VAV3: variants seen among roughly 807,000 people sequenced by gnomAD.
VAV3 encodes guanine nucleotide exchange factor VAV3.
VAV3 carries 94 observed loss-of-function variants against 131.2 expected under a neutral mutation model. The observed-to-expected ratio is 0.72, with a 90% CI of 0.61 to 0.85. The LOEUF (loss-of-function observed/expected upper bound fraction) is 0.85, where lower values mean the gene tolerates loss of function less well. VAV3 is among the 40% of genes least tolerant of loss of function. The pLI is 0.00. For missense variants in VAV3, 939 were observed against 1,002.7 expected, an observed-to-expected ratio of 0.94 and a Z score of 0.86; for synonymous variants, 349 against 342.0, an observed-to-expected ratio of 1.02 and a Z score of -0.22.
intron 17 of VAV3, among the ~76,000 whole-genome samples, chr1:107,693,754 G>A (rs1659582079): frequency 6.6e-6 from 1 of 152,142 alleles, no homozygotes. Context: ...GTACTAAGGG[G>A]TGGACACAAA....
chr1:107,659,019 T>C (rs976449838), intron 19 of VAV3, among the ~76,000 whole-genome samples: 1 of 152,310 alleles, frequency 6.6e-6, no homozygotes, highest in Non-Finnish European at 1.5e-5. Context: ...CATGAAGTCC[T>C]TGCCCATGCC....
At chr1:107,917,874 T>C (rs1278065800) in intron 1 of VAV3, among the ~76,000 whole-genome samples, 1 of 152,164 alleles carries the variant, frequency 6.6e-6, no homozygotes, top group African/African-American at 2.4e-5. Context: ...CACATATTGG[T>C]ACTCAAGAAG....
intron 2 of VAV3, among the ~76,000 whole-genome samples, chr1:107,804,448 T>C (rs1408120021): frequency 6.6e-6 from 1 of 152,182 alleles, no homozygotes; most frequent in African/African-American, 2.4e-5. Flanking sequence ...TACAAAAAAA[T>C]CTTGTAGACA....
chr1:107,641,642 A>C (rs1655347040), intron 20 of VAV3, among the ~76,000 whole-genome samples: 1 of 152,170 alleles, frequency 6.6e-6, no homozygotes, highest in Admixed American at 6.6e-5. Flanking sequence ...GATTTTATGA[A>C]TAATGCCCAG....
chr1:107,803,909 G>C (rs1185165219), intron 2 of VAV3, among the ~76,000 whole-genome samples: 1 of 151,798 alleles, frequency 6.6e-6, no homozygotes, highest in Non-Finnish European at 1.5e-5. Flanking sequence ...TACTAATGTT[G>C]CTTTTGTGTG....
chr1:107,730,849 TG>T (rs1662195523), intron 15 of VAV3, among the ~76,000 whole-genome samples: 1 of 152,154 alleles, frequency 6.6e-6, no homozygotes, highest in African/African-American at 2.4e-5. Context: ...CAACAGTAGG[TG>T]TTCTTGCTAC....
intron 19 of VAV3, among the ~76,000 whole-genome samples, chr1:107,670,960 C>A (rs1269061293): frequency 6.6e-6 from 1 of 152,138 alleles, no homozygotes; most frequent in Non-Finnish European, 1.5e-5. Flanking sequence ...TTCTTGGATA[C>A]TGCTTGAATT....
chr1:107,791,802 T>C (rs962659381), intron 2 of VAV3, among the ~76,000 whole-genome samples: 6 of 152,172 alleles, frequency 3.9e-5, no homozygotes, highest in African/African-American at 1.4e-4. Flanking sequence ...AATTATTGAG[T>C]GCTTATGATT....
chr1:107,842,770 A>AG (rs1361605174), intron 2 of VAV3, among the ~76,000 whole-genome samples: 1 of 151,848 alleles, frequency 6.6e-6, no homozygotes, highest in East Asian at 1.9e-4. Flanking sequence ...ATATTTTGGG[A>AG]GGGGGCACAG....
At chr1:107,946,904 G>A (rs535650232) in intron 1 of VAV3, among the ~76,000 whole-genome samples, 1 of 152,290 alleles carries the variant, frequency 6.6e-6, no homozygotes, top group African/African-American at 2.4e-5. Context: ...TTTATTAAGA[G>A]TTTACAACAT....
At chr1:107,617,161 A>C (rs1653219441) in intron 21 of VAV3, among the ~76,000 whole-genome samples, 1 of 152,218 alleles carries the variant, frequency 6.6e-6, no homozygotes, top group South Asian at 2.1e-4. Context: ...AAATTTGTGG[A>C]CTTTTCATTT....
Position 107,603,281 on chromosome 1 carries a change from T to A in VAV3, c.2016-118A>T. The A allele has an allele frequency of 4.2e-6, 3 of 712,806 alleles. No homozygotes were observed. In the South Asian group the frequency reaches 5.7e-5, roughly 14 times the overall value. 44.2% of individuals were successfully genotyped at this position (712,806 alleles called of 1,614,324 possible). A position where few individuals can be genotyped will look rare whatever the true frequency, so the allele number is the denominator to read the frequency against. On this transcript the variant is annotated intron_variant, in intron 22 of 26. Transcript: ENST00000370056. Reference sequence around the variant, plus strand: ...CAGATCTGAGCTGTTGGTAATTCTATACTAATTACATTGTTTAAGAAAAAT... The same window carrying A: ...CAGATCTGAGCTGTTGGTAATTCTAAACTAATTACATTGTTTAAGAAAAAT...
At position 107,710,364 on chromosome 1, in the gene VAV3, T is replaced by C. The variant is rs150474715; in HGVS notation, c.1503-5303A>G. The stretch of plus-strand genomic sequence containing the variant: ...GAGAGCTGGAAGCAAATGTCAGTGC[T>C]TCAAAAACACCTGTCTGAATGCAAC... On this transcript the variant is annotated intron_variant, in intron 15 of 26. Coordinates refer to ENST00000370056, the MANE Select transcript of VAV3 (RefSeq NM_006113.5). Among the ~76,000 whole-genome samples the C allele has an allele frequency of 3.9e-5, 6 of 152,324 alleles. No individual in the cohort carries two copies. The East Asian group carries it at 1.2e-3, about 29-fold the overall frequency.
chr1:107,768,309 A>G, intron 7 of VAV3, 132 bp downstream of exon 7: 1 of 657,204 alleles, frequency 1.5e-6, no homozygotes, highest in Admixed American at 3.7e-5. Context: ...CTGGAAAAGC[A>G]AAAAATAAAT....
intron 10 of VAV3, among the ~76,000 whole-genome samples, chr1:107,759,521 A>G (rs751054785): frequency 2.6e-5 from 4 of 152,176 alleles, no homozygotes; most frequent in Non-Finnish European, 5.9e-5. Flanking sequence ...TCTAGACAAC[A>G]AATAAATTTT....
chr1:107,769,813 T>TC, intron 6 of VAV3, among the ~76,000 whole-genome samples: 1 of 152,332 alleles, frequency 6.6e-6, no homozygotes, highest in African/African-American at 2.4e-5. Flanking sequence ...TCTCTTTTTT[T>TC]CACATCCTTT....
intron 2 of VAV3, among the ~76,000 whole-genome samples, chr1:107,833,740 G>A (rs1668360107): frequency 6.6e-6 from 1 of 152,160 alleles, no homozygotes. Context: ...CCAAGCAATA[G>A]TGAAATGTTC....
At chr1:107,939,024 C>T (rs1013029522) in intron 1 of VAV3, among the ~76,000 whole-genome samples, 2 of 152,186 alleles carry the variant, frequency 1.3e-5, no homozygotes, top group African/African-American at 4.8e-5. Flanking sequence ...GTTACTTTCC[C>T]TTTTCTGACC....
intron 1 of VAV3, among the ~76,000 whole-genome samples, chr1:107,943,517 C>T (rs147848627): frequency 6.6e-6 from 1 of 152,236 alleles, no homozygotes; most frequent in Non-Finnish European, 1.5e-5. Context: ...GAGGCAGGCA[C>T]ACACATCACG....
Sources: gnomAD v4.1 joint callset for allele counts (sites outside exome capture counted in the v4.1 genomes callset) on GRCh38, gnomAD v4.1.1 for gene constraint, MANE v1.5 for transcripts, NCBI Gene and HGNC (gene_info 2026-07-23, HGNC 2026-07-21) for gene names.